MACROD2: variants seen among roughly 807,000 people sequenced by gnomAD.
MACROD2 encodes the protein mono-ADP ribosylhydrolase 2.
Under a neutral mutation model 70.4 loss-of-function variants are expected in MACROD2, and 36 were observed. That is an observed-to-expected ratio of 0.51 (90% CI 0.39 to 0.68). The LOEUF (loss-of-function observed/expected upper bound fraction) is 0.68, where lower values mean the gene tolerates loss of function less well. MACROD2 is among the 30% of genes least tolerant of loss of function. The probability of loss-of-function intolerance (pLI) is 0.00; values close to 1 mark genes in which losing one functional copy is unlikely to be tolerated. For missense variants in MACROD2, 496 were observed against 538.4 expected, an observed-to-expected ratio of 0.92 and a Z score of 0.78; for synonymous variants, 172 against 178.8, an observed-to-expected ratio of 0.96 and a Z score of 0.30.
intron 6 of MACROD2, among the ~76,000 whole-genome samples, chr20:15,332,737 T>C (rs1168846030): frequency 6.6e-6 from 1 of 151,720 alleles, no homozygotes; most frequent in African/African-American, 2.4e-5. Context: ...TATATGTTTC[T>C]TCTATCAGTT....
chr20:15,825,051 G>T (rs1287978441), intron 8 of MACROD2, among the ~76,000 whole-genome samples: 1 of 152,064 alleles, frequency 6.6e-6, no homozygotes, highest in Non-Finnish European at 1.5e-5. Context: ...TCTAATGATG[G>T]TCCATTGACA....
chr20:15,816,409 A>G (rs189855644), intron 8 of MACROD2, among the ~76,000 whole-genome samples: 1 of 152,252 alleles, frequency 6.6e-6, no homozygotes, highest in East Asian at 1.9e-4. Flanking sequence ...TCTACTGGCA[A>G]CCATGAAACA....
chr20:14,309,894 A>G (rs561813194), intron 3 of MACROD2, among the ~76,000 whole-genome samples: 66 of 152,268 alleles, frequency 4.3e-4, no homozygotes, highest in Middle Eastern at 3.4e-3. Context: ...TATCAGTGCT[A>G]TTTTTATGTT....
chr20:14,389,421 C>CAAAAAAAAAA (rs4052956), intron 3 of MACROD2, among the ~76,000 whole-genome samples: 1 of 90,040 alleles, frequency 1.1e-5, no homozygotes, highest in Non-Finnish European at 2.0e-5. Context: ...GACTTGGTCT[C>CAAAAAAAAAA]AAAAAAAAAA....
At chr20:15,624,899 C>T (rs1267672323) in intron 8 of MACROD2, among the ~76,000 whole-genome samples, 1 of 152,098 alleles carries the variant, frequency 6.6e-6, no homozygotes, top group East Asian at 1.9e-4. Flanking sequence ...GCCTACACAC[C>T]ACTATTTAGT....
chr20:14,877,786 C>G (rs1397096950), intron 5 of MACROD2, among the ~76,000 whole-genome samples: 2 of 152,032 alleles, frequency 1.3e-5, no homozygotes, highest in Non-Finnish European at 1.5e-5. Flanking sequence ...TATTCATTTG[C>G]ATATGTTGTA....
chr20:14,126,512 T>G (rs1053902588), intron 3 of MACROD2, among the ~76,000 whole-genome samples: 2 of 152,104 alleles, frequency 1.3e-5, no homozygotes, highest in Non-Finnish European at 2.9e-5. Flanking sequence ...AGTGTGGGTG[T>G]GTGTTTGTTA....
intron 8 of MACROD2, among the ~76,000 whole-genome samples, chr20:15,646,733 G>A (rs1301006509): frequency 1.3e-5 from 2 of 152,114 alleles, no homozygotes; most frequent in East Asian, 1.9e-4. Flanking sequence ...TTCTCCCTTC[G>A]ATTGGCACTT....
At chr20:15,993,563 G>A (rs2066588645) in intron 15 of MACROD2, among the ~76,000 whole-genome samples, 1 of 152,014 alleles carries the variant, frequency 6.6e-6, no homozygotes, top group Non-Finnish European at 1.5e-5. Context: ...TTTGCATCAT[G>A]AAATCACCTA....
At chr20:14,576,966 G>A (rs988790646) in intron 4 of MACROD2, among the ~76,000 whole-genome samples, 1 of 152,220 alleles carries the variant, frequency 6.6e-6, no homozygotes, top group East Asian at 1.9e-4. Flanking sequence ...GAATTGTATG[G>A]TAAATACCAT....
intron 3 of MACROD2, among the ~76,000 whole-genome samples, chr20:14,309,001 T>C (rs999290944): frequency 3.3e-5 from 5 of 152,166 alleles, no homozygotes; most frequent in Non-Finnish European, 5.9e-5. Flanking sequence ...TTCACTGGGT[T>C]TCCTGTGTAT....
intron 6 of MACROD2, among the ~76,000 whole-genome samples, chr20:15,348,588 T>C (rs993831631): frequency 2.0e-5 from 3 of 152,142 alleles, no homozygotes; most frequent in Non-Finnish European, 4.4e-5. Context: ...GAGGTTTAAT[T>C]GACTCACAGT....
At chr20:14,176,143 C>T (rs1386700610) in intron 3 of MACROD2, among the ~76,000 whole-genome samples, 1 of 152,168 alleles carries the variant, frequency 6.6e-6, no homozygotes, top group Non-Finnish European at 1.5e-5. Flanking sequence ...ATGAATCTAA[C>T]TTGAACCTAT....
At chr20:14,081,027 G>A (rs541501124) in intron 2 of MACROD2, among the ~76,000 whole-genome samples, 2 of 152,302 alleles carry the variant, frequency 1.3e-5, no homozygotes, top group Admixed American at 6.5e-5. Context: ...GTTTCTCTAA[G>A]CCTTTTTCTT....
At chr20:15,560,790 A>G (rs2146606219) in intron 8 of MACROD2, among the ~76,000 whole-genome samples, 1 of 148,946 alleles carries the variant, frequency 6.7e-6, no homozygotes, top group African/African-American at 2.5e-5. Context: ...AAAAAAAAAA[A>G]AGACTGATCA....
chr20:14,045,968 T>C (rs1158587342), intron 2 of MACROD2, among the ~76,000 whole-genome samples: 2 of 152,158 alleles, frequency 1.3e-5, no homozygotes, highest in African/African-American at 4.8e-5. Context: ...AAAGCCCAGA[T>C]ACGGAAACAT....
intron 3 of MACROD2, among the ~76,000 whole-genome samples, chr20:14,305,717 A>G (rs1176451383): frequency 2.0e-5 from 3 of 152,160 alleles, no homozygotes; most frequent in African/African-American, 7.2e-5. Context: ...AAAAATAAAA[A>G]CTGTCTAATG....
At chr20:15,192,292 A>G (rs1176809934) in intron 5 of MACROD2, among the ~76,000 whole-genome samples, 5 of 152,182 alleles carry the variant, frequency 3.3e-5, no homozygotes, top group Admixed American at 3.3e-4. Flanking sequence ...AGCAAGCCAT[A>G]ACATCAAGAT....
At chr20:14,633,368 C>G (rs1369511735) in intron 4 of MACROD2, among the ~76,000 whole-genome samples, 1 of 152,192 alleles carries the variant, frequency 6.6e-6, no homozygotes. Flanking sequence ...GGCCATCATT[C>G]AGCCTACTCT....
Sources: gnomAD v4.1 joint callset for allele counts (sites outside exome capture counted in the v4.1 genomes callset) on GRCh38, gnomAD v4.1.1 for gene constraint, MANE v1.5 for transcripts, NCBI Gene and HGNC (gene_info 2026-07-23, HGNC 2026-07-21) for gene names.